Variants in SEMA5A observed in about 807,000 individuals in gnomAD.
SEMA5A encodes semaphorin 5A, also known as semaphorin-5A.
In SEMA5A, 55 loss-of-function variants were observed where a neutral mutation model predicts 135.5. The observed-to-expected ratio is 0.41, with a 90% CI of 0.33 to 0.51. SEMA5A has a LOEUF of 0.51. Ranked by LOEUF, SEMA5A falls within the 20% of genes least tolerant of loss-of-function variation. The pLI is 0.37. For missense variants in SEMA5A, 1,290 were observed against 1,419.9 expected (o/e 0.91, Z 1.47); for synonymous variants, 580 against 546.5 (o/e 1.06, Z -0.85).
intron 6 of SEMA5A, among the ~76,000 whole-genome samples, chr5:9,230,487 T>G (rs1747568528): frequency 6.6e-6 from 1 of 152,056 alleles, no homozygotes; most frequent in African/African-American, 2.4e-5. Flanking sequence ...TTATTTCAAT[T>G]AGGGCAGAGA....
chr5:9,135,414 C>G (rs1438073575), intron 13 of SEMA5A, among the ~76,000 whole-genome samples: 1 of 151,880 alleles, frequency 6.6e-6, no homozygotes, highest in African/African-American at 2.4e-5. Flanking sequence ...ATCTCCTGAC[C>G]TTGTGATCCA....
intron 10 of SEMA5A, among the ~76,000 whole-genome samples, chr5:9,195,332 A>AT (rs1271618675): frequency 6.6e-6 from 1 of 151,764 alleles, no homozygotes; most frequent in East Asian, 1.9e-4. Context: ...TGCCTGGCTA[A>AT]TTTTTTTTAT....
chr5:9,138,400 TATA>T (rs1182860253), intron 12 of SEMA5A, among the ~76,000 whole-genome samples: 1 of 152,196 alleles, frequency 6.6e-6, no homozygotes, highest in African/African-American at 2.4e-5. Context: ...ATATGTTTTA[TATA>T]ATAATGATAT....
chr5:9,337,793 C>A lies in SEMA5A; in HGVS notation c.144G>T (p.Arg48=), dbSNP rs760351975. ...CCACAGCATTCTTCGCTCTGAACTC[C>A]CGTAACCAGGGGCCAATTTCTAAAT... ...ISYKEIGPWL[R]EFRAKNAVDF... is the part of the protein sequence containing the mutation. Residue 48 remains arginine, a synonymous_variant, in exon 4 of 23, where the codon CGG becomes CGT. Coordinates refer to ENST00000382496, the MANE Select transcript of SEMA5A (RefSeq NM_003966.3). 22 of 1,605,422 alleles carry A rather than the reference C, an allele frequency of 1.4e-5. No individual in the cohort carries two copies. Among genetic ancestry groups the A allele is most frequent in the Non-Finnish European group, 1.5e-5 (18 of 1,175,346 alleles).
intron 8 of SEMA5A, among the ~76,000 whole-genome samples, chr5:9,221,303 T>C (rs894389039): frequency 2.1e-5 from 3 of 145,180 alleles, no homozygotes; most frequent in Admixed American, 2.1e-4. Context: ...CATTTTCTTT[T>C]TTTTTTTTTT....
At chr5:9,353,322 G>GGAAAT (rs1754281476) in intron 3 of SEMA5A, among the ~76,000 whole-genome samples, 2 of 25,284 alleles carry the variant, frequency 7.9e-5, no homozygotes, top group African/African-American at 1.7e-4. Context: ...GGGAAAGGAA[G>GGAAAT]GAAAGGAAAG....
intron 8 of SEMA5A, among the ~76,000 whole-genome samples, chr5:9,205,710 T>C (rs1051451807): frequency 1.3e-5 from 2 of 152,230 alleles, no homozygotes; most frequent in African/African-American, 4.8e-5. Context: ...ATTCAGTGTG[T>C]AGTGAGTGCT....
intron 6 of SEMA5A, among the ~76,000 whole-genome samples, chr5:9,234,888 G>A (rs761811097): frequency 2.6e-5 from 4 of 152,222 alleles, no homozygotes; most frequent in Admixed American, 6.5e-5. Context: ...GGTCTCCTCC[G>A]TGAATCGAGG....
chr5:9,123,470 G>A (rs961573680), intron 13 of SEMA5A, among the ~76,000 whole-genome samples: 1 of 151,442 alleles, frequency 6.6e-6, no homozygotes, highest in Non-Finnish European at 1.5e-5. Flanking sequence ...GAAGAAAAAG[G>A]AGAAGGAGAA....
chr5:9,117,219 G>A (rs1049065701), intron 15 of SEMA5A, among the ~76,000 whole-genome samples: 2 of 152,272 alleles, frequency 1.3e-5, no homozygotes, highest in Middle Eastern at 3.4e-3. Flanking sequence ...GGATGCAAAC[G>A]TACGCATATG....
chr5:9,299,572 A>G (rs979593166), intron 5 of SEMA5A, among the ~76,000 whole-genome samples: 2 of 152,074 alleles, frequency 1.3e-5, no homozygotes, highest in Admixed American at 6.5e-5. Context: ...CTTGGCAGAA[A>G]ATCTTCACTA....
At chr5:9,087,539 A>G (rs1738766014) in intron 16 of SEMA5A, among the ~76,000 whole-genome samples, 1 of 151,166 alleles carries the variant, frequency 6.6e-6, no homozygotes. Context: ...TATTTTTATT[A>G]TATTTATTTA....
Position 9,321,885 on chromosome 5 carries a change from T to C in SEMA5A, c.225-3468A>G, listed in dbSNP as rs550420797. On this transcript the variant is annotated intron_variant, in intron 4 of 22. Coordinates refer to ENST00000382496, the MANE Select transcript of SEMA5A (RefSeq NM_003966.3). ...GTGCACATGTATGTTCACACTATGGTATCTGTCTCCAGAAACTTTCTTGAA... is the reference window on the plus strand; with the variant it reads ...GTGCACATGTATGTTCACACTATGGCATCTGTCTCCAGAAACTTTCTTGAA... 5.9e-5 allele frequency among the ~76,000 whole-genome samples: 9 copies of C among 152,338 alleles called. No individual in the cohort carries two copies. The South Asian group carries it at 1.9e-3, about 32-fold the overall frequency.
chr5:9,257,141 G>A (rs1749113907), intron 5 of SEMA5A, among the ~76,000 whole-genome samples: 2 of 152,320 alleles, frequency 1.3e-5, no homozygotes, highest in South Asian at 4.1e-4. Context: ...TTGAGTGAGT[G>A]TGGCTTAACT....
chr5:9,281,324 CTATAATTT>C (rs1280730800), intron 5 of SEMA5A, among the ~76,000 whole-genome samples: 1 of 152,138 alleles, frequency 6.6e-6, no homozygotes, highest in African/African-American at 2.4e-5. Flanking sequence ...AATGTTTTCC[CTATAATTT>C]TTGTATATAT....
intron 6 of SEMA5A, among the ~76,000 whole-genome samples, chr5:9,227,927 C>A (rs1422379248): frequency 6.6e-6 from 1 of 152,200 alleles, no homozygotes; most frequent in African/African-American, 2.4e-5. Context: ...ACATTTGGGA[C>A]AAAACCCTAG....
At chr5:9,199,223 C>T (rs746385611) in intron 9 of SEMA5A, among the ~76,000 whole-genome samples, 3 of 152,184 alleles carry the variant, frequency 2.0e-5, no homozygotes, top group African/African-American at 7.2e-5. Context: ...CAGAGACTCC[C>T]CTGGATGTCC....
intron 12 of SEMA5A, among the ~76,000 whole-genome samples, chr5:9,138,584 C>T (rs957072769): frequency 3.3e-5 from 5 of 152,110 alleles, no homozygotes; most frequent in Non-Finnish European, 7.4e-5. Context: ...ATTTCCCTTT[C>T]ATTTTATTTT....
At chr5:9,540,211 C>T (rs1433400783) in intron 1 of SEMA5A, among the ~76,000 whole-genome samples, 2 of 152,176 alleles carry the variant, frequency 1.3e-5, no homozygotes, top group African/African-American at 4.8e-5. Context: ...GCGAACAAAA[C>T]AGTCTCATTG....
Sources: allele counts gnomAD v4.1 joint callset (sites outside exome capture counted in the v4.1 genomes callset), GRCh38; gene constraint gnomAD v4.1.1; transcripts MANE v1.5; gene names NCBI Gene and HGNC (gene_info 2026-07-23, HGNC 2026-07-21).